Variants in CNBD1 observed in about 807,000 individuals in gnomAD.
CNBD1 encodes cyclic nucleotide-binding domain-containing protein 1.
Under a neutral mutation model 54.4 loss-of-function variants are expected in CNBD1, and 71 were observed. That is an observed-to-expected ratio of 1.30 (90% CI 1.08 to 1.59). CNBD1 has a LOEUF of 1.59. Among genes scored for constraint, CNBD1 ranks in the 40% most tolerant of loss-of-function variants. The pLI is 0.00. For missense variants in CNBD1, 659 were observed against 518.0 expected (o/e 1.27, Z -2.64); for synonymous variants, 182 against 170.7 (o/e 1.07, Z -0.51).
intron 2 of CNBD1, among the ~76,000 whole-genome samples, chr8:86,890,159 T>C (rs1212026916): frequency 2.6e-5 from 4 of 152,136 alleles, no homozygotes; most frequent in Non-Finnish European, 5.9e-5. Flanking sequence ...TTATTAACTT[T>C]AGTCACCCTG....
Position 86,950,332 on chromosome 8 carries a change from T to A in CNBD1, c.431+10578T>A, listed in dbSNP as rs1034773194. 2.6e-5 allele frequency among the ~76,000 whole-genome samples: 4 copies of A among 152,120 alleles called. No individual in the cohort carries two copies. In the South Asian group the frequency reaches 8.3e-4, roughly 32 times the overall value. On this transcript the variant is annotated intron_variant, in intron 4 of 10. Coordinates refer to ENST00000518476, the MANE Select transcript of CNBD1 (RefSeq NM_173538.3). ...ATCCACCTGTCTCAGCCTCCCAAAG[T>A]GCTGGAATTACAGGCATGAGCCACT...
In CNBD1 at chr8:86,939,780, T is replaced by C. The variant is rs745495155; in HGVS notation, c.431+26T>C. 8.1e-6 allele frequency: 11 copies of C among 1,357,432 alleles called. No individual in the cohort carries two copies. In the African/African-American group the frequency reaches 1.5e-4, roughly 18 times the overall value. The allele number at this position is 1,357,432 out of a possible 1,614,324, so 84.1% of individuals were successfully genotyped here. A position where few individuals can be genotyped will look rare whatever the true frequency, so the allele number is the denominator to read the frequency against. On this transcript the variant is annotated intron_variant, in intron 4 of 10. Coordinates refer to ENST00000518476, the MANE Select transcript of CNBD1 (RefSeq NM_173538.3). ...GTAAGTATTTAAAATATATTCCTTC[T>C]TCTAATTGAGTAATTCTTTTGAATG... is the stretch of plus-strand genomic sequence containing the variant.
intron 6 of CNBD1, among the ~76,000 whole-genome samples, chr8:87,249,067 C>T (rs564011870): frequency 9.9e-5 from 15 of 152,254 alleles, no homozygotes; most frequent in African/African-American, 3.4e-4. Context: ...AGTCTGCAAG[C>T]AATTGATTTA....
chr8:87,277,817 C>A (rs1253654353), intron 6 of CNBD1, among the ~76,000 whole-genome samples: 1 of 151,550 alleles, frequency 6.6e-6, no homozygotes, highest in Non-Finnish European at 1.5e-5. Context: ...TACACAACAT[C>A]CAGCATTGAC....
intron 4 of CNBD1, among the ~76,000 whole-genome samples, chr8:87,158,596 T>C (rs1812792265): frequency 6.6e-6 from 1 of 152,134 alleles, no homozygotes; most frequent in African/African-American, 2.4e-5. Flanking sequence ...AACATAATTT[T>C]AATGATCTCA....
rs564932213 is a variant in CNBD1, at chr8:87,156,044, A to C, written c.432-49949A>C. Among the ~76,000 whole-genome samples the C allele has an allele frequency of 2.8e-3, 419 of 152,098 alleles. 1 individual carries two copies. The highest frequency in any genetic ancestry group is 9.8e-3 in the African/African-American group (405 of 41,498). ...CTAGGAACACTAACATTTACGGGGC[A>C]GTTGAAGGGAAGAAATAAACAGTAA... On this transcript the variant is annotated intron_variant, in intron 4 of 10. Transcript: ENST00000518476.
rs906689084 is a variant in CNBD1, at chr8:86,958,376, G to T, written c.431+18622G>T. Among the ~76,000 whole-genome samples the T allele has an allele frequency of 5.3e-5, 8 of 152,142 alleles. No individual in the cohort carries two copies. The East Asian group carries it at 1.5e-3, about 29-fold the overall frequency. On this transcript the variant is annotated intron_variant, in intron 4 of 10. Transcript: ENST00000518476. ...ATTGCAGAGCTGAGTTCAATTCCTG[G>T]ATATCCACATTAACTTCCTGTCTTG...
chr8:87,194,246 G>T (rs1389577018), intron 4 of CNBD1, among the ~76,000 whole-genome samples: 1 of 152,148 alleles, frequency 6.6e-6, no homozygotes, highest in Non-Finnish European at 1.5e-5. Context: ...GAAAGAAGAA[G>T]AAACCAGGCA....
rs917614076 is a variant in CNBD1 at position 87,333,757 on chromosome 8, G to T, written c.1043-17928G>T. On this transcript the variant is annotated intron_variant, in intron 8 of 10. Coordinates refer to ENST00000518476, the MANE Select transcript of CNBD1 (RefSeq NM_173538.3). ...GGATAAGCTTTTTGATGTGCTTCTGGATTTGGTTTGCCAGCATTTTATTGA... is the reference window on the plus strand; with the variant it reads ...GGATAAGCTTTTTGATGTGCTTCTGTATTTGGTTTGCCAGCATTTTATTGA... Among the ~76,000 whole-genome samples the T allele has an allele frequency of 2.0e-5, 3 of 152,120 alleles. No individual in the cohort carries two copies. In the South Asian group the frequency reaches 6.2e-4, roughly 32 times the overall value.
chr8:87,041,721 C>A (rs1173006080), intron 4 of CNBD1, among the ~76,000 whole-genome samples: 2 of 151,540 alleles, frequency 1.3e-5, no homozygotes, highest in African/African-American at 4.8e-5. Context: ...ATGGCGTGAA[C>A]CTGGGAGGCG....
chr8:87,091,260 C>A (rs1331309529), intron 4 of CNBD1, among the ~76,000 whole-genome samples: 2 of 151,846 alleles, frequency 1.3e-5, no homozygotes, highest in Non-Finnish European at 2.9e-5. Flanking sequence ...TGTATTTAGA[C>A]ATACAGTTTA....
intron 4 of CNBD1, among the ~76,000 whole-genome samples, chr8:87,180,134 A>C (rs1038572802): frequency 6.6e-6 from 1 of 152,116 alleles, no homozygotes; most frequent in Admixed American, 6.5e-5. Context: ...TACACATGAG[A>C]CTGCCCAGGA....
At chr8:87,243,849 T>C (rs1586358995) in intron 6 of CNBD1, among the ~76,000 whole-genome samples, 1 of 152,212 alleles carries the variant, frequency 6.6e-6, no homozygotes, top group East Asian at 1.9e-4. Context: ...GTAATATATA[T>C]ATGCAGTGAA....
intron 3 of CNBD1, among the ~76,000 whole-genome samples, chr8:86,916,566 C>T (rs1809188784): frequency 6.6e-6 from 1 of 152,056 alleles, no homozygotes; most frequent in Non-Finnish European, 1.5e-5. Context: ...GCCATTTTAC[C>T]TCATTATGTG....
At chr8:87,370,811 G>A (rs1397544539) in intron 10 of CNBD1, among the ~76,000 whole-genome samples, 2 of 150,130 alleles carry the variant, frequency 1.3e-5, no homozygotes, top group Non-Finnish European at 3.0e-5. Flanking sequence ...CCATGCCTAT[G>A]TCCTGAATGG....
At chr8:86,907,405 C>T (rs1328970336) in intron 3 of CNBD1, among the ~76,000 whole-genome samples, 3 of 152,126 alleles carry the variant, frequency 2.0e-5, no homozygotes, top group Non-Finnish European at 2.9e-5. Context: ...TGGTGGCTCA[C>T]ACCTGTAATC....
At chr8:87,357,580 C>T (rs1810444959) in intron 10 of CNBD1, among the ~76,000 whole-genome samples, 1 of 152,080 alleles carries the variant, frequency 6.6e-6, no homozygotes, top group African/African-American at 2.4e-5. Context: ...GGAATGTTTA[C>T]TTGATTTCTT....
intron 2 of CNBD1, among the ~76,000 whole-genome samples, chr8:87,405,194 G>T (rs1807632300): frequency 6.6e-6 from 1 of 151,978 alleles, no homozygotes. Context: ...TTAGGCTTTG[G>T]ACTGAGAGAT....
intron 4 of CNBD1, among the ~76,000 whole-genome samples, chr8:87,003,918 C>G (rs1211866097): frequency 6.6e-6 from 1 of 152,092 alleles, no homozygotes; most frequent in Non-Finnish European, 1.5e-5. Flanking sequence ...TAGTCTCCTA[C>G]CAGGACCTTT....
Sources: allele counts gnomAD v4.1 joint callset (sites outside exome capture counted in the v4.1 genomes callset), GRCh38; gene constraint gnomAD v4.1.1; transcripts MANE v1.5; gene names NCBI Gene and HGNC (gene_info 2026-07-23, HGNC 2026-07-21).